KCNMA1: variants seen among roughly 807,000 people sequenced by gnomAD.
KCNMA1 encodes the protein Calcium-activated potassium channel subunit alpha-1.
KCNMA1 carries 29 observed loss-of-function variants against 140.0 expected under a neutral mutation model. The observed-to-expected ratio is 0.21, with a 90% CI of 0.15 to 0.28. KCNMA1 has a LOEUF of 0.28. Among genes scored for constraint, KCNMA1 ranks in the 10% least tolerant of loss-of-function variants. KCNMA1 has a pLI of 1.00. For synonymous variants in KCNMA1, 612 were observed against 611.9 expected (o/e 1.00, Z 0.00); for missense variants, 880 against 1,602.2 (o/e 0.55, Z 7.70).
At chr10:77,090,797 A>G (rs896711954) in intron 9 of KCNMA1, 1 of 505,924 alleles carries the variant, frequency 2.0e-6, no homozygotes, top group Admixed American at 3.2e-5. Flanking sequence ...TGCATTTAAC[A>G]ATAAGTGACA....
At chr10:77,602,549 T>C (rs1046693242) in intron 1 of KCNMA1, among the ~76,000 whole-genome samples, 1 of 152,208 alleles carries the variant, frequency 6.6e-6, no homozygotes, top group Non-Finnish European at 1.5e-5. Flanking sequence ...TTATAGCATG[T>C]GAGTGATACC....
rs147436053 is a variant in KCNMA1, at chr10:77,480,925, C to T, written c.379-76902G>A. Among the ~76,000 whole-genome samples, 1,202 of 146,504 alleles carry T rather than the reference C, an allele frequency of 8.2e-3. 11 individuals carry two copies. Among genetic ancestry groups the T allele is most frequent in the East Asian group, 0.046 (228 of 4,992 alleles). ...AGGAGTTCGAGACCAGCCTGGCCAA[C>T]ATGGTGAAATCCTGTCTCTACTAAA... On this transcript the variant is annotated intron_variant, in intron 1 of 27. Transcript: ENST00000286628.
intron 18 of KCNMA1, chr10:77,008,216 G>C (rs779501760): frequency 1.3e-6 from 2 of 1,533,062 alleles, no homozygotes; most frequent in Non-Finnish European, 1.7e-6. Flanking sequence ...AGTTAAAATA[G>C]AGTAGGGGCC....
chr10:77,482,425 A>G (rs1482950778), intron 1 of KCNMA1, among the ~76,000 whole-genome samples: 2 of 152,240 alleles, frequency 1.3e-5, no homozygotes, highest in Non-Finnish European at 2.9e-5. Context: ...AAAGGAACCC[A>G]GATGAACCAA....
At chr10:77,033,553 A>G (rs1427103165) in intron 15 of KCNMA1, among the ~76,000 whole-genome samples, 2 of 152,182 alleles carry the variant, frequency 1.3e-5, no homozygotes, top group Admixed American at 6.5e-5. Context: ...ACTTTTGCCT[A>G]AAGTGTGAAC....
intron 1 of KCNMA1, among the ~76,000 whole-genome samples, chr10:77,460,521 G>A (rs1490911512): frequency 1.3e-5 from 2 of 148,744 alleles, no homozygotes; most frequent in South Asian, 2.1e-4. Context: ...AGAAAATGTG[G>A]TACACACGTG....
chr10:77,322,404 A>T (rs1025520192), intron 2 of KCNMA1, among the ~76,000 whole-genome samples: 1 of 152,228 alleles, frequency 6.6e-6, no homozygotes, highest in African/African-American at 2.4e-5. Context: ...CTTCATCATC[A>T]AATCCTCACC....
intron 1 of KCNMA1, among the ~76,000 whole-genome samples, chr10:77,482,715 C>T (rs1027898858): frequency 3.3e-5 from 5 of 152,070 alleles, no homozygotes; most frequent in Non-Finnish European, 7.4e-5. Context: ...AGCCAAGAGT[C>T]CTTCACAGCC....
chr10:77,621,653 G>C (rs1006008403), intron 1 of KCNMA1, among the ~76,000 whole-genome samples: 2 of 152,130 alleles, frequency 1.3e-5, no homozygotes, highest in Non-Finnish European at 2.9e-5. Context: ...TTTCTGCTGG[G>C]CACAGTGGCT....
At position 77,254,632 on chromosome 10, in the gene KCNMA1, G is replaced by A. The variant is rs938320965; in HGVS notation, c.541-3376C>T. 2.9e-4 allele frequency among the ~76,000 whole-genome samples: 44 copies of A among 152,158 alleles called. 3 individuals are homozygous for A. ...TTTAGCCAATATAAAATGAACTATT[G>A]CCTAGATGGATCATTAGTAACTGGG... On this transcript the variant is annotated intron_variant, in intron 2 of 27. Coordinates refer to ENST00000286628, the MANE Select transcript of KCNMA1 (RefSeq NM_001161352.2).
chr10:77,550,704 C>T (rs1431931914), intron 1 of KCNMA1, among the ~76,000 whole-genome samples: 1 of 152,160 alleles, frequency 6.6e-6, no homozygotes, highest in Non-Finnish European at 1.5e-5. Flanking sequence ...TCCCTCGAAG[C>T]ACATCTTCAG....
chr10:76,964,742 A>G (rs927004779), intron 20 of KCNMA1, among the ~76,000 whole-genome samples: 2 of 152,146 alleles, frequency 1.3e-5, no homozygotes, highest in African/African-American at 4.8e-5. Context: ...GACCCCACGA[A>G]AGGTTTGAGT....
chr10:76,898,001 A>G (rs747302989), intron 25 of KCNMA1, among the ~76,000 whole-genome samples: 12 of 151,898 alleles, frequency 7.9e-5, no homozygotes, highest in Non-Finnish European at 1.3e-4. Flanking sequence ...TACAGAAAAT[A>G]AGCATACAAA....
chr10:77,490,305 C>T lies in KCNMA1; in HGVS notation c.379-86282G>A, dbSNP rs182806601. Among the ~76,000 whole-genome samples the T allele has an allele frequency of 6.6e-5, 10 of 152,314 alleles. No individual in the cohort carries two copies. The East Asian group carries it at 1.7e-3, about 26-fold the overall frequency. The stretch of plus-strand genomic sequence containing the variant: ...GATGTGAATGACCAGGGTTTGATTA[C>T]ATGTAAACTTTTTAAAAATGTATCC... On this transcript the variant is annotated intron_variant, in intron 1 of 27. Transcript: ENST00000286628.
At chr10:77,320,483 C>G (rs2082051915) in intron 2 of KCNMA1, among the ~76,000 whole-genome samples, 1 of 152,114 alleles carries the variant, frequency 6.6e-6, no homozygotes, top group South Asian at 2.1e-4. Context: ...GAAGAGGGAG[C>G]TTCTGTGGCT....
At chr10:77,184,167 A>T (rs1415043545) in intron 4 of KCNMA1, among the ~76,000 whole-genome samples, 1 of 152,084 alleles carries the variant, frequency 6.6e-6, no homozygotes, top group Non-Finnish European at 1.5e-5. Context: ...AGCTAAGTGA[A>T]CACTGCTAAA....
intron 10 of KCNMA1, among the ~76,000 whole-genome samples, chr10:77,088,033 C>A (rs1204217000): frequency 6.6e-6 from 1 of 152,160 alleles, no homozygotes; most frequent in African/African-American, 2.4e-5. Context: ...GTGGCAGGAT[C>A]TCTGCTCACT....
At chr10:77,051,346 C>T (rs1307221652) in intron 14 of KCNMA1, among the ~76,000 whole-genome samples, 6 of 152,256 alleles carry the variant, frequency 3.9e-5, no homozygotes, top group Middle Eastern at 3.4e-3. Flanking sequence ...CCATTCCAGC[C>T]GCAAGCATAA....
chr10:77,411,795 A>T (rs999840995), intron 1 of KCNMA1, among the ~76,000 whole-genome samples: 1 of 152,220 alleles, frequency 6.6e-6, no homozygotes, highest in Non-Finnish European at 1.5e-5. Flanking sequence ...CTCTGCCAAG[A>T]ACCTGCCCGG....
Sources: gnomAD v4.1 joint callset for allele counts (sites outside exome capture counted in the v4.1 genomes callset) on GRCh38, gnomAD v4.1.1 for gene constraint, MANE v1.5 for transcripts, NCBI Gene and HGNC (gene_info 2026-07-23, HGNC 2026-07-21) for gene names.